FSTL5: variants seen among roughly 807,000 people sequenced by gnomAD.
FSTL5 encodes follistatin like 5, also known as follistatin-related protein 5.
A neutral mutation model predicts 89.1 loss-of-function variants in FSTL5; 62 were observed. That is an observed-to-expected ratio of 0.70 (90% CI 0.57 to 0.86). The LOEUF is 0.86. Ranked by LOEUF, FSTL5 falls within the 40% of genes least tolerant of loss-of-function variation. The pLI is 0.00. For synonymous variants in FSTL5, 383 were observed against 346.2 expected, an observed-to-expected ratio of 1.11 and a Z score of -1.18; for missense variants, 1,057 against 1,001.6, an observed-to-expected ratio of 1.06 and a Z score of -0.75.
chr4:162,106,039 TC>T (rs1304838053), intron 2 of FSTL5, among the ~76,000 whole-genome samples: 1 of 152,152 alleles, frequency 6.6e-6, no homozygotes, highest in Non-Finnish European at 1.5e-5. Flanking sequence ...CATCTATCAC[TC>T]TTTAATATCG....
chr4:161,430,429 T>C (rs566200509), intron 15 of FSTL5, among the ~76,000 whole-genome samples: 1 of 152,314 alleles, frequency 6.6e-6, no homozygotes, highest in East Asian at 1.9e-4. Flanking sequence ...CAAATAAGAC[T>C]ATCTCTAGAC....
chr4:161,990,046 G>A (rs1226522284), intron 3 of FSTL5, among the ~76,000 whole-genome samples: 1 of 151,986 alleles, frequency 6.6e-6, no homozygotes, highest in Non-Finnish European at 1.5e-5. Context: ...ACATGCATAG[G>A]AAATAACTTT....
intron 1 of FSTL5, among the ~76,000 whole-genome samples, chr4:162,122,381 C>G (rs1731903871): frequency 6.6e-6 from 1 of 152,074 alleles, no homozygotes; most frequent in Non-Finnish European, 1.5e-5. Context: ...GCTTGGAGGT[C>G]ACTACTGTAC....
chr4:161,888,955 A>G (rs1277912997), intron 4 of FSTL5, among the ~76,000 whole-genome samples: 1 of 152,170 alleles, frequency 6.6e-6, no homozygotes, highest in East Asian at 1.9e-4. Flanking sequence ...ACATGGCAGG[A>G]GGATGGACAT....
At chr4:161,556,007 G>A (rs560016050) in intron 8 of FSTL5, among the ~76,000 whole-genome samples, 3 of 151,716 alleles carry the variant, frequency 2.0e-5, no homozygotes, top group South Asian at 2.1e-4. Context: ...CAAGACTAGA[G>A]GGAGGAAGTG....
chr4:161,402,017 G>T (rs529453853), intron 15 of FSTL5, among the ~76,000 whole-genome samples: 1 of 151,670 alleles, frequency 6.6e-6, no homozygotes, highest in Non-Finnish European at 1.5e-5. Flanking sequence ...TTTTCATTTA[G>T]CCAAAGGATT....
intron 15 of FSTL5, among the ~76,000 whole-genome samples, chr4:161,428,236 C>T (rs1279497064): frequency 6.6e-6 from 1 of 152,198 alleles, no homozygotes; most frequent in East Asian, 1.9e-4. Context: ...CCACAAATCT[C>T]ACCCCCACGG....
In FSTL5 at chr4:161,821,309, A is replaced by G. The variant is rs75217008; in HGVS notation, c.410-45235T>C. Among the ~76,000 whole-genome samples the G allele has an allele frequency of 2.0e-5, 3 of 152,190 alleles. No individual in the cohort carries two copies. In the East Asian group the frequency reaches 5.8e-4, roughly 29 times the overall value. On this transcript the variant is annotated intron_variant, in intron 4 of 15. Coordinates refer to ENST00000306100, the MANE Select transcript of FSTL5 (RefSeq NM_020116.5). ...TGTCTCAACCTCCCAAATTGCCACG[A>G]TGACCAGTGTGAACCACTGCACATG... is the stretch of plus-strand genomic sequence containing the variant.
chr4:161,413,743 T>A (rs1007661304), intron 15 of FSTL5, among the ~76,000 whole-genome samples: 1 of 152,116 alleles, frequency 6.6e-6, no homozygotes, highest in Non-Finnish European at 1.5e-5. Flanking sequence ...TACATAGACA[T>A]AAAATACAAT....
chr4:161,733,558 G>C (rs1311513821), intron 6 of FSTL5, among the ~76,000 whole-genome samples: 1 of 151,932 alleles, frequency 6.6e-6, no homozygotes, highest in Non-Finnish European at 1.5e-5. Context: ...CACGTGGTGA[G>C]AGCAGATGCT....
chr4:161,546,994 G>A (rs1243526807), intron 8 of FSTL5, among the ~76,000 whole-genome samples: 1 of 151,988 alleles, frequency 6.6e-6, no homozygotes, highest in Non-Finnish European at 1.5e-5. Context: ...TCCAGCATTA[G>A]GTCATAAAAG....
chr4:162,124,564 A>G (rs1731994653), intron 1 of FSTL5, among the ~76,000 whole-genome samples: 1 of 152,196 alleles, frequency 6.6e-6, no homozygotes, highest in Non-Finnish European at 1.5e-5. Flanking sequence ...GATGAGATAG[A>G]TAAAAGTCTC....
chr4:161,415,359 G>T (rs1413084075), intron 15 of FSTL5, among the ~76,000 whole-genome samples: 1 of 152,036 alleles, frequency 6.6e-6, no homozygotes, highest in Non-Finnish European at 1.5e-5. Flanking sequence ...GGGTTCAAGT[G>T]ATTCTCTTGC....
At chr4:161,492,195 C>T (rs1462001883) in intron 12 of FSTL5, among the ~76,000 whole-genome samples, 3 of 152,096 alleles carry the variant, frequency 2.0e-5, no homozygotes, top group Non-Finnish European at 4.4e-5. Context: ...CTTGAGTGTG[C>T]TTAAAATTTA....
intron 2 of FSTL5, among the ~76,000 whole-genome samples, chr4:162,078,405 T>G (rs1180449891): frequency 6.6e-6 from 1 of 151,836 alleles, no homozygotes; most frequent in African/African-American, 2.4e-5. Context: ...TTTAATTTAT[T>G]TAGTTTTCAG....
intron 7 of FSTL5, among the ~76,000 whole-genome samples, chr4:161,628,172 T>C (rs1735376982): frequency 6.6e-6 from 1 of 152,186 alleles, no homozygotes; most frequent in African/African-American, 2.4e-5. Context: ...CAAATCAATA[T>C]AGCACACATT....
intron 3 of FSTL5, among the ~76,000 whole-genome samples, chr4:161,933,200 G>A (rs145207465): frequency 6.6e-6 from 1 of 152,146 alleles, no homozygotes; most frequent in African/African-American, 2.4e-5. Flanking sequence ...CAATGTATTG[G>A]ACATTGCTGG....
At chr4:161,461,691 AT>A (rs537459225) in intron 13 of FSTL5, among the ~76,000 whole-genome samples, 1 of 152,012 alleles carries the variant, frequency 6.6e-6, no homozygotes, top group Non-Finnish European at 1.5e-5. Flanking sequence ...TTTCATTTAA[AT>A]TTTTTCATGT....
At chr4:162,155,377 T>C (rs1349060455) in intron 1 of FSTL5, among the ~76,000 whole-genome samples, 1 of 152,110 alleles carries the variant, frequency 6.6e-6, no homozygotes, top group Non-Finnish European at 1.5e-5. Context: ...TTAGGTGATC[T>C]TGGAGAATCT....
Sources: allele counts gnomAD v4.1 joint callset (sites outside exome capture counted in the v4.1 genomes callset), GRCh38; gene constraint gnomAD v4.1.1; transcripts MANE v1.5; gene names NCBI Gene and HGNC (gene_info 2026-07-23, HGNC 2026-07-21).